NAB1: variants seen among roughly 807,000 people sequenced by gnomAD.
The protein encoded by NAB1 is NGFI-A-binding protein 1.
In NAB1, 25 loss-of-function variants were observed where a neutral mutation model predicts 49.9. The ratio of observed to expected loss-of-function variants is 0.50; its 90% CI spans 0.37 to 0.70. NAB1 has a LOEUF of 0.70. Among genes scored for constraint, NAB1 ranks in the 30% least tolerant of loss-of-function variants. The pLI is 0.00. For synonymous variants in NAB1, 198 were observed against 215.6 expected, an observed-to-expected ratio of 0.92 and a Z score of 0.71; for missense variants, 489 against 575.9, an observed-to-expected ratio of 0.85 and a Z score of 1.54.
At chr2:190,672,417 T>C (rs12611764) in intron 5 of NAB1, among the ~76,000 whole-genome samples, 34,238 of 152,106 alleles carry the variant, frequency 0.23, 3,960 homozygotes, top group East Asian at 0.3. Context: ...GAAATAATTC[T>C]GTGTCTTACC....
intron 2 of NAB1, among the ~76,000 whole-genome samples, chr2:190,655,749 G>C (rs1369369549): frequency 6.6e-6 from 1 of 152,206 alleles, no homozygotes; most frequent in Non-Finnish European, 1.5e-5. Flanking sequence ...CGAAACAGGA[G>C]TTGACCGGTA....
chr2:190,649,788 C>A lies in NAB1; in HGVS notation c.-333-58C>A, dbSNP rs1457332424. On this transcript the variant is annotated intron_variant, in intron 1 of 9. Transcript: ENST00000337386. The surrounding 1 kb of genome is among the most constrained non-coding windows in gnomAD (Gnocchi z 6.1). ...TACTTTATAAAAGTGCTGCACTTAC[C>A]GTCTCGATTTTCTTCTTGGGTATCT... 2 of 152,152 alleles carry A rather than the reference C, an allele frequency of 1.3e-5. No homozygotes were observed. Among genetic ancestry groups the A allele is most frequent in the East Asian group, 3.9e-4 (2 of 5,192 alleles). 9.4% of individuals were successfully genotyped at this position (152,152 alleles called of 1,614,324 possible).
chr2:190,656,042 G>A lies in NAB1; in HGVS notation c.-131G>A, dbSNP rs1445954842. The A allele has an allele frequency of 1.3e-5, 2 of 152,226 alleles. No homozygotes were observed. Among genetic ancestry groups the A allele is most frequent in the African/African-American group, 4.8e-5 (2 of 41,466 alleles). The allele number at this position is 152,226 out of a possible 1,614,324, so 9.4% of individuals were successfully genotyped here. On this transcript the variant is annotated 5_prime_UTR_variant, in exon 3 of 10. Coordinates refer to ENST00000337386, the MANE Select transcript of NAB1 (RefSeq NM_005966.4). ...AAGTGGAAGTTGCTGTACATTGGCA[G>A]CAAGGCCTCCGAGTTAGCTTTTGAA...
rs1693846156 is a variant in NAB1, at chr2:190,654,974, T to G, written c.-196-1003T>G. Reference sequence around the variant, plus strand: ...AGGGCAGAAAATGAGAGAATGTACTTGATTTTGGACACATCAAATTTGAGG... The same window carrying G: ...AGGGCAGAAAATGAGAGAATGTACTGGATTTTGGACACATCAAATTTGAGG... On this transcript the variant is annotated intron_variant, in intron 2 of 9. Transcript: ENST00000337386. The surrounding 1 kb of genome is among the most constrained non-coding windows in gnomAD (Gnocchi z 5.6). Among the ~76,000 whole-genome samples, 1 of 152,164 alleles carries G rather than the reference T, an allele frequency of 6.6e-6. No individual in the cohort carries two copies. The highest frequency in any genetic ancestry group is 1.5e-5 in the Non-Finnish European group (1 of 68,030).
chr2:190,649,114 G>T lies in NAB1; in HGVS notation c.-580G>T, dbSNP rs866831126. 0.039 allele frequency: 4,569 copies of T among 117,276 alleles called. 242 individuals are homozygous for T. Among genetic ancestry groups the T allele is most frequent in the African/African-American group, 0.12 (4,268 of 36,692 alleles). The allele number at this position is 117,276 out of a possible 1,614,324, so 7.3% of individuals were successfully genotyped here. A position where few individuals can be genotyped will look rare whatever the true frequency, so the allele number is the denominator to read the frequency against. On this transcript the variant is annotated 5_prime_UTR_variant, in exon 1 of 10. Coordinates refer to ENST00000337386, the MANE Select transcript of NAB1 (RefSeq NM_005966.4). The surrounding 1 kb of genome is among the most constrained non-coding windows in gnomAD (Gnocchi z 6.1). ...GCCGCCCGCGCGCCGCAGCCTGGAG[G>T]AGCCGCCGCCGCCGCCGCGGCCAAG...
chr2:190,687,401 A>C, intron 9 of NAB1, 84 bp downstream of exon 9: 17 of 472,804 alleles, frequency 3.6e-5, no homozygotes, highest in Non-Finnish European at 5.2e-5. Flanking sequence ...CCATCAAAAA[A>C]AAAAAAAAAA....
intron 4 of NAB1, among the ~76,000 whole-genome samples, chr2:190,664,096 T>C (rs898061319): frequency 2.0e-5 from 3 of 152,202 alleles, no homozygotes; most frequent in Non-Finnish European, 2.9e-5. Flanking sequence ...TATGTGTCTG[T>C]TCTAACAAGC....
At chr2:190,688,818 CCTTTCTTTCTTTT>C (rs1695762241) in intron 9 of NAB1, among the ~76,000 whole-genome samples, 1 of 149,336 alleles carries the variant, frequency 6.7e-6, no homozygotes, top group South Asian at 2.1e-4. Context: ...TCTTTTCTTT[CCTTTCTTTCTTTT>C]CTTTTCTTCC....
At position 190,667,132 on chromosome 2, in the gene NAB1, G is replaced by A. The variant is rs148979777; in HGVS notation, c.820-3194G>A. Among the ~76,000 whole-genome samples, 2 of 152,250 alleles carry A rather than the reference G, an allele frequency of 1.3e-5. No homozygotes were observed. The highest frequency in any genetic ancestry group is 4.8e-5 in the African/African-American group (2 of 41,540). Reference sequence around the variant, plus strand: ...TTTTTACCAGGTTCCCTGAGGGCCTGGAGTTTAGTCTACTTTTTTGGTTTG... The same window carrying A: ...TTTTTACCAGGTTCCCTGAGGGCCTAGAGTTTAGTCTACTTTTTTGGTTTG... On this transcript the variant is annotated intron_variant, in intron 4 of 9. Coordinates refer to ENST00000337386, the MANE Select transcript of NAB1 (RefSeq NM_005966.4). The surrounding 1 kb of genome is among the most constrained non-coding windows in gnomAD (Gnocchi z 4.4).
Position 190,678,549 on chromosome 2 carries a change from A to G in NAB1, c.1006-5189A>G, listed in dbSNP as rs1435806830. ...CAGCATTCTTGACCCTGTGGGAGTC[A>G]GAGGTGCAAAGCATTCAGAGATAAG... is the stretch of plus-strand genomic sequence containing the variant. On this transcript the variant is annotated intron_variant, in intron 6 of 9. Transcript: ENST00000337386. This position sits in a 1 kb window ranked among gnomAD's most constrained non-coding sequence, Gnocchi z 4.9. 1.3e-5 allele frequency among the ~76,000 whole-genome samples: 2 copies of G among 152,210 alleles called. No individual in the cohort carries two copies. Among genetic ancestry groups the G allele is most frequent in the Non-Finnish European group, 2.9e-5 (2 of 68,032 alleles).
In NAB1 at chr2:190,676,020, T is replaced by C. The variant is rs1230049485; in HGVS notation, c.1005+2868T>C. Among the ~76,000 whole-genome samples the C allele has an allele frequency of 6.6e-6, 1 of 152,228 alleles. No individual in the cohort carries two copies. The highest frequency in any genetic ancestry group is 1.5e-5 in the Non-Finnish European group (1 of 68,034). Reference sequence around the variant, plus strand: ...GTTATGAGGTAGATAGTACTGGCTGTATAAAGTTACCACTCCCTTAAAACT... The same window carrying C: ...GTTATGAGGTAGATAGTACTGGCTGCATAAAGTTACCACTCCCTTAAAACT... On this transcript the variant is annotated intron_variant, in intron 6 of 9. Transcript: ENST00000337386. This position sits in a 1 kb window ranked among gnomAD's most constrained non-coding sequence, Gnocchi z 4.6.
intron 9 of NAB1, among the ~76,000 whole-genome samples, chr2:190,688,704 C>T (rs1299011362): frequency 6.6e-6 from 1 of 152,156 alleles, no homozygotes; most frequent in Non-Finnish European, 1.5e-5. Flanking sequence ...TATAATTGAT[C>T]TAGGTTTTTA....
rs2125516651 is a variant in NAB1, at chr2:190,649,906, C to T, written c.-273C>T. The T allele has an allele frequency of 6.6e-6, 1 of 152,270 alleles. No homozygotes were observed. The highest frequency in any genetic ancestry group is 6.5e-5 in the Admixed American group (1 of 15,294). The allele number at this position is 152,270 out of a possible 1,614,324, so 9.4% of individuals were successfully genotyped here. On this transcript the variant is annotated 5_prime_UTR_variant, in exon 2 of 10. Transcript: ENST00000337386. This position sits in a 1 kb window ranked among gnomAD's most constrained non-coding sequence, Gnocchi z 6.1. The stretch of plus-strand genomic sequence containing the variant: ...AACTTGGCGCTGAGGTGCAGGGAAG[C>T]CAGAAACTCTTTGTGTCTCTAAGGC...
chr2:190,670,194 T>C lies in NAB1; in HGVS notation c.820-132T>C, dbSNP rs1479302209. 7 of 909,014 alleles carry C rather than the reference T, an allele frequency of 7.7e-6. No homozygotes were observed. The highest frequency in any genetic ancestry group is 1.1e-5 in the Non-Finnish European group (7 of 638,014). The allele number at this position is 909,014 out of a possible 1,614,324, so 56.3% of individuals were successfully genotyped here. ...GGCATTAGGAATAATTAGGAATAAA[T>C]ACCATTCTGATTTTTATGAATAATG... On this transcript the variant is annotated intron_variant, in intron 4 of 9. Coordinates refer to ENST00000337386, the MANE Select transcript of NAB1 (RefSeq NM_005966.4). The surrounding 1 kb of genome is among the most constrained non-coding windows in gnomAD (Gnocchi z 5.3).
In NAB1 at chr2:190,685,620, G is replaced by A. The variant is rs777938240; in HGVS notation, c.1240G>A (p.Asp414Asn). 4.3e-5 allele frequency: 69 copies of A among 1,608,842 alleles called. No homozygotes were observed. The highest frequency in any genetic ancestry group is 5.3e-5 in the Non-Finnish European group (63 of 1,178,052). Residue 414 changes from aspartate (D) to asparagine (N), a missense_variant, in exon 8 of 10, where the codon GAT becomes AAT. Physicochemically the swap from Asp to Asn is conservative, Grantham distance 23. Coordinates refer to ENST00000337386, the MANE Select transcript of NAB1 (RefSeq NM_005966.4). This position sits in a 1 kb window ranked among gnomAD's most constrained non-coding sequence, Gnocchi z 4.5. ...EEHSPNGLTS[D>N]NSDGQGERPL... ...GCACAGTCCTAACGGCTTGACTTCC[G>A]ATAACTCAGATGGACAAGGTACATC...
Position 190,691,667 on chromosome 2 carries a change from A to G in NAB1, c.*1334A>G, listed in dbSNP as rs1217966648. The stretch of plus-strand genomic sequence containing the variant: ...AATATACGTTTTTTCTGTTGGTTTA[A>G]GAGAAGATAACTGACAGCTTTACCT... On this transcript the variant is annotated 3_prime_UTR_variant, in exon 10 of 10. Coordinates refer to ENST00000337386, the MANE Select transcript of NAB1 (RefSeq NM_005966.4). This position sits in a 1 kb window ranked among gnomAD's most constrained non-coding sequence, Gnocchi z 4.1. 1 of 152,194 alleles carries G rather than the reference A, an allele frequency of 6.6e-6. No individual in the cohort carries two copies. The highest frequency in any genetic ancestry group is 1.9e-4 in the East Asian group (1 of 5,202). The allele number at this position is 152,194 out of a possible 1,614,324, so 9.4% of individuals were successfully genotyped here.
Position 190,659,290 on chromosome 2 carries a change from C to T in NAB1, c.114C>T (p.Val38=). Residue 38 remains valine, a synonymous_variant, in exon 4 of 10, where the codon GTC becomes GTT. Transcript: ENST00000337386. This position sits in a 1 kb window ranked among gnomAD's most constrained non-coding sequence, Gnocchi z 6.2. ...TTATCCAACAAGGTGGTGATGATGT[C>T]CAGCAACTCTGTGAAGCAGGAGAAG... is the stretch of plus-strand genomic sequence containing the variant. ...DAFIQQGGDD[V]QQLCEAGEEE... The T allele has an allele frequency of 6.2e-7, 1 of 1,614,074 alleles. No individual in the cohort carries two copies. The highest frequency in any genetic ancestry group is 8.5e-7 in the Non-Finnish European group (1 of 1,180,002).
Position 190,686,466 on chromosome 2 carries a change from C to T in NAB1, c.1259-735C>T, listed in dbSNP as rs1425513363. ...AAGGATTCCTAGGTAAGGATACCAT[C>T]TTAACAAGGATTCTCCAGCCATGGA... On this transcript the variant is annotated intron_variant, in intron 8 of 9. Transcript: ENST00000337386. This position sits in a 1 kb window ranked among gnomAD's most constrained non-coding sequence, Gnocchi z 5.5. Among the ~76,000 whole-genome samples, 1 of 152,164 alleles carries T rather than the reference C, an allele frequency of 6.6e-6. No individual in the cohort carries two copies. The highest frequency in any genetic ancestry group is 1.5e-5 in the Non-Finnish European group (1 of 68,034).
Position 190,666,706 on chromosome 2 carries a change from AAAGG to A in NAB1, c.820-3616_820-3613del, listed in dbSNP as rs1159831351. On this transcript the variant is annotated intron_variant, in intron 4 of 9. Transcript: ENST00000337386. The surrounding 1 kb of genome is among the most constrained non-coding windows in gnomAD (Gnocchi z 5.6). ...AGACTCCATCTCAAAAAAAAAAGAA[AAAGG>A]AAGCGAACTTTAAGAAATCTTTCAC... 3.9e-5 allele frequency among the ~76,000 whole-genome samples: 6 copies of A among 152,206 alleles called. No individual in the cohort carries two copies. The highest frequency in any genetic ancestry group is 8.8e-5 in the Non-Finnish European group (6 of 68,028).
Sources: gnomAD v4.1 joint callset for allele counts (sites outside exome capture counted in the v4.1 genomes callset) on GRCh38, gnomAD v4.1.1 for gene constraint, Gnocchi (gnomAD v3.1) non-coding constraint, MANE v1.5 for transcripts, NCBI Gene and HGNC (gene_info 2026-07-23, HGNC 2026-07-21) for gene names.